Variants in LMBR1L observed in about 807,000 individuals in gnomAD.
LMBR1L encodes limb development membrane protein 1 like.
Under a neutral mutation model 67.3 loss-of-function variants are expected in LMBR1L, and 47 were observed. The ratio of observed to expected loss-of-function variants is 0.70; its 90% CI spans 0.55 to 0.89. The LOEUF is 0.89. Among genes scored for constraint, LMBR1L ranks in the 40% least tolerant of loss-of-function variants. The pLI, the probability that LMBR1L is intolerant of heterozygous loss-of-function variation, is 0.00. For missense variants in LMBR1L, 533 were observed against 599.2 expected (o/e 0.89, Z 1.15); for synonymous variants, 247 against 250.3 (o/e 0.99, Z 0.13).
At chr12:49,103,531 G>A (rs1940491409) in intron 6 of LMBR1L, among the ~76,000 whole-genome samples, 156 bp downstream of exon 6, 1 of 152,168 alleles carries the variant, frequency 6.6e-6, no homozygotes, top group African/African-American at 2.4e-5. Context: ...AAACATTTCT[G>A]CAGATTGCAT....
chr12:49,102,842 A>T (rs1295641806), intron 8 of LMBR1L, 45 bp downstream of exon 8: 1 of 1,559,148 alleles, frequency 6.4e-7, no homozygotes, highest in Non-Finnish European at 8.8e-7. Flanking sequence ...CCAGCTCTGC[A>T]GGAAGCTCAC....
chr12:49,101,311 C>T lies in LMBR1L; in HGVS notation c.1021G>A (p.Gly341Ser). 6.2e-7 allele frequency: 1 copy of T among 1,614,176 alleles called. No individual in the cohort carries two copies. The highest frequency in any genetic ancestry group is 8.5e-7 in the Non-Finnish European group (1 of 1,180,024). Reference protein sequence around the residue: ...MPRGMQGTSLGQVSFSKLGSF... With the variant: ...MPRGMQGTSLSQVSFSKLGSF... The stretch of plus-strand genomic sequence containing the variant: ...CCCAGCTTGGAGAAGGAGACCTGGC[C>T]TAAGGAGGTACCCTGAGGAGTGGGG... Residue 341 changes from glycine to serine, a missense_variant, in exon 13 of 17, where the codon GGC becomes AGC. Coordinates refer to ENST00000267102, the MANE Select transcript of LMBR1L (RefSeq NM_018113.4).
chr12:49,108,242 G>GCA (rs1941140804), intron 1 of LMBR1L, among the ~76,000 whole-genome samples: 1 of 149,432 alleles, frequency 6.7e-6, no homozygotes, highest in Non-Finnish European at 1.5e-5. Context: ...TAGCCTGGGT[G>GCA]ACAGAGCAAG....
intron 1 of LMBR1L, among the ~76,000 whole-genome samples, chr12:49,109,511 C>A (rs1416624161): frequency 6.6e-6 from 1 of 152,200 alleles, no homozygotes; most frequent in Non-Finnish European, 1.5e-5. Context: ...TAGAGCCCAG[C>A]CTGAGAAAAA....
rs780817098 is a variant in LMBR1L at position 49,100,635 on chromosome 12, A to G, written c.1094T>C (p.Val365Ala). The G allele has an allele frequency of 6.2e-7, 1 of 1,613,526 alleles. No individual in the cohort carries two copies. The highest frequency in any genetic ancestry group is 8.5e-7 in the Non-Finnish European group (1 of 1,179,536). The change falls in exon 14 of 17, where the codon GTG (valine) becomes GCG (alanine). Residue 365 changes from valine (V) to alanine (A), a missense_variant. Val to Ala is a moderately conservative substitution (Grantham distance 64). This residue lies in a region of LMBR1L where 223 missense variants were observed against 241.2 expected (regional missense o/e 0.92). Transcript: ENST00000267102. ...GCTATAGAAGCCCACAACTGAGGAC[A>G]CCATTAGGTAACTGCCACTGCATTA... ...IQVVLIFYLM[V>A]SSVVGFYSSP...
chr12:49,101,111 A>G, intron 13 of LMBR1L, 139 bp downstream of exon 13: 1 of 1,568,646 alleles, frequency 6.4e-7, no homozygotes, highest in Non-Finnish European at 8.6e-7. Context: ...TCTGAACCTG[A>G]GGTTGATGAA....
rs758884829 is a variant in LMBR1L, at chr12:49,102,100, T to C, written c.930+20A>G. ...AAGTACTGAGGGTCCACTCCTCACC[T>C]CTAGGGCTGGTATACCTACCGTCAG... On this transcript the variant is annotated intron_variant, in intron 11 of 16. Coordinates refer to ENST00000267102, the MANE Select transcript of LMBR1L (RefSeq NM_018113.4). 3 of 1,612,230 alleles carry C rather than the reference T, an allele frequency of 1.9e-6. No homozygotes were observed. The highest frequency in any genetic ancestry group is 1.3e-5 in the African/African-American group (1 of 75,004).
At chr12:49,103,190 C>G (rs1285310012) in intron 6 of LMBR1L, 31 bp from the exon 7 acceptor site, 1 of 1,583,218 alleles carries the variant, frequency 6.3e-7, no homozygotes, top group Middle Eastern at 1.7e-4. Flanking sequence ...CATGTCAGCT[C>G]ATCTCTCCTT....
chr12:49,102,655 T>G lies in LMBR1L; in HGVS notation c.697-115A>C, dbSNP rs1940354052. 7.3e-6 allele frequency: 8 copies of G among 1,103,008 alleles called. No individual in the cohort carries two copies. In the South Asian group the frequency reaches 9.8e-5, roughly 14 times the overall value. 68.3% of individuals were successfully genotyped at this position (1,103,008 alleles called of 1,614,324 possible). On this transcript the variant is annotated intron_variant, in intron 8 of 16. Transcript: ENST00000267102. Reference sequence around the variant, plus strand: ...GTCCCAGGCTTCCCCCAGACCCTCATTCACCACCCTGTGGCCCGCAGCTTT... The same window carrying G: ...GTCCCAGGCTTCCCCCAGACCCTCAGTCACCACCCTGTGGCCCGCAGCTTT...
At chr12:49,104,318 TC>T (rs1455543824) in intron 5 of LMBR1L, 129 bp downstream of exon 5, 1 of 736,362 alleles carries the variant, frequency 1.4e-6, no homozygotes, top group Non-Finnish European at 2.3e-6. Flanking sequence ...GGTAATGACT[TC>T]CTACTGTCAC....
chr12:49,106,544 C>T (rs1940928872), intron 2 of LMBR1L: 2 of 1,307,234 alleles, frequency 1.5e-6, no homozygotes, highest in Admixed American at 2.3e-5. Flanking sequence ...GCCACCATCA[C>T]CAGGTTCCCC....
At position 49,101,647 on chromosome 12, in the gene LMBR1L, C is replaced by G; in HGVS notation, c.931-98G>C. The G allele has an allele frequency of 4.8e-6, 4 of 840,088 alleles. No homozygotes were observed. The Admixed American group carries it at 9.0e-5, about 19-fold the overall frequency. The allele number at this position is 840,088 out of a possible 1,614,324, so 52.0% of individuals were successfully genotyped here. On this transcript the variant is annotated intron_variant, in intron 11 of 16. Transcript: ENST00000267102. ...ACTCTGGTCCAACATTTTCAGTTTCCAAGACTAGCTCTGCTTCCAATGAGC... is the reference window on the plus strand; with the variant it reads ...ACTCTGGTCCAACATTTTCAGTTTCGAAGACTAGCTCTGCTTCCAATGAGC...
At position 49,110,595 on chromosome 12, in the gene LMBR1L, CCGGGGAGGACGAG is replaced by C; in HGVS notation, c.-53_-41del. 5 of 1,589,128 alleles carry C rather than the reference CCGGGGAGGACGAG, an allele frequency of 3.1e-6. No individual in the cohort carries two copies. Among genetic ancestry groups the C allele is most frequent in the Non-Finnish European group, 3.5e-6 (4 of 1,157,698 alleles). Reference sequence around the variant, plus strand: ...GACTGAAGCCGAGGTGCCTCTGGGCCCGGGGAGGACGAGCGGGGAGGAAGCCGCCGCCGCCAAG... The same window carrying C: ...GACTGAAGCCGAGGTGCCTCTGGGCCCGGGGAGGAAGCCGCCGCCGCCAAG... On this transcript the variant is annotated 5_prime_UTR_variant, in exon 1 of 17. Coordinates refer to ENST00000267102, the MANE Select transcript of LMBR1L (RefSeq NM_018113.4).
chr12:49,109,938 G>C (rs1042438995), intron 1 of LMBR1L: 2 of 420,482 alleles, frequency 4.8e-6, no homozygotes, highest in Non-Finnish European at 9.5e-6. Flanking sequence ...GGAATACTTG[G>C]TTGTTCCTCA....
Position 49,097,719 on chromosome 12 carries a change from G to A in LMBR1L, c.1423C>T (p.Pro475Ser). The A allele has an allele frequency of 6.2e-7, 1 of 1,613,936 alleles. No homozygotes were observed. Among genetic ancestry groups the A allele is most frequent in the Non-Finnish European group, 8.5e-7 (1 of 1,179,978 alleles). The change falls in exon 17 of 17, where the codon CCC becomes TCC. Residue 475 changes from proline to serine, a missense_variant. Physicochemically the swap from Pro to Ser is moderately conservative, Grantham distance 74. Coordinates refer to ENST00000267102, the MANE Select transcript of LMBR1L (RefSeq NM_018113.4). ...RAFGLDRLPL[P>S]VSGFPQASRK... ...GATGCCTGGGGGAAACCGGAGACGG[G>A]CAGCGGCAGTCTGTCCAGCCCTGGA...
In LMBR1L at chr12:49,102,381, G is replaced by C. The variant is rs1313423817; in HGVS notation, c.770-5C>G. ...GCAGCCAGCAGGAAGTAGGATCTGA[G>C]GGCAGAGAAGATGGTGTTGCTCTCA... On this transcript the variant is annotated splice_region_variant and splice_polypyrimidine_tract_variant and intron_variant, in intron 9 of 16. Coordinates refer to ENST00000267102, the MANE Select transcript of LMBR1L (RefSeq NM_018113.4). The C allele has an allele frequency of 6.2e-7, 1 of 1,614,144 alleles. No individual in the cohort carries two copies. The highest frequency in any genetic ancestry group is 8.5e-7 in the Non-Finnish European group (1 of 1,179,946).
chr12:49,101,056 T>C, intron 13 of LMBR1L, 194 bp downstream of exon 13: 1 of 1,253,954 alleles, frequency 8.0e-7, no homozygotes, highest in South Asian at 1.5e-5. Context: ...GATCAGATTC[T>C]ACTGAACCAC....
intron 1 of LMBR1L, chr12:49,109,679 C>T (rs752136971): frequency 3.2e-4 from 146 of 456,406 alleles, no homozygotes; most frequent in Non-Finnish European, 2.9e-4. Context: ...AAATTCAAAG[C>T]AAGGCTGAGA....
intron 8 of LMBR1L, 69 bp from the exon 9 acceptor site, chr12:49,102,609 T>C: frequency 6.7e-7 from 1 of 1,497,338 alleles, no homozygotes; most frequent in Non-Finnish European, 9.3e-7. Context: ...AGGAGAACCC[T>C]GTTCTTCCCA....
Sources: gnomAD v4.1 joint callset for allele counts (sites outside exome capture counted in the v4.1 genomes callset) on GRCh38, gnomAD v4.1.1 for gene constraint, gnomAD v4.1.1 regional missense constraint, MANE v1.5 for transcripts, NCBI Gene and HGNC (gene_info 2026-07-23, HGNC 2026-07-21) for gene names.